The following SCYL1 variants were observed in gnomAD, a reference collection of about 807,000 sequenced individuals.
The protein encoded by SCYL1 is N-terminal kinase-like protein.
In SCYL1, 85 loss-of-function variants were observed where a neutral mutation model predicts 94.8. The observed-to-expected ratio is 0.90, with a 90% confidence interval of 0.75 to 1.07. The LOEUF (loss-of-function observed/expected upper bound fraction) is 1.07, where lower values mean the gene tolerates loss of function less well. Ranked by LOEUF, SCYL1 falls within the 50% of genes least tolerant of loss-of-function variation. The pLI, the probability that SCYL1 is intolerant of heterozygous loss-of-function variation, is 0.00. For missense variants in SCYL1, 968 were observed against 1,083.3 expected, an observed-to-expected ratio of 0.89 and a Z score of 1.49; for synonymous variants, 459 against 435.5, an observed-to-expected ratio of 1.05 and a Z score of -0.67.
chr11:65,536,709 C>A lies in SCYL1; in HGVS notation c.1775C>A (p.Ala592Asp). ...CTGATCCGTTCGCACCCAACCACTGCCCCAACAGAAACCAACATTCCCCAA... is the reference window on the plus strand; with the variant it reads ...CTGATCCGTTCGCACCCAACCACTGACCCAACAGAAACCAACATTCCCCAA... ...SKLIRSHPTT[A>D]PTETNIPQRP... is the part of the protein sequence containing the mutation. The change falls in exon 13 of 18, where the codon GCC becomes GAC. Residue 592 changes from alanine (A) to aspartate (D), a missense_variant. Around this residue, in one of 2 missense-constraint regions of SCYL1, gnomAD observed 474 missense variants for 463.6 expected, o/e 1.02. Coordinates refer to ENST00000270176, the MANE Select transcript of SCYL1 (RefSeq NM_020680.4). The A allele has an allele frequency of 6.2e-7, 1 of 1,610,090 alleles. No individual in the cohort carries two copies. Among genetic ancestry groups the A allele is most frequent in the South Asian group, 1.1e-5 (1 of 90,988 alleles).
chr11:65,535,625 A>G, intron 10 of SCYL1: 2 of 607,766 alleles, frequency 3.3e-6, no homozygotes, highest in Non-Finnish European at 5.7e-6. Context: ...CCCTTCAGCC[A>G]GGGTTTGTAA....
Position 65,538,563 on chromosome 11 carries a change from C to A in SCYL1, c.2424C>A (p.Asp808Glu). The change falls in exon 18 of 18, where the codon GAC becomes GAA. Residue 808 changes from aspartate (D) to glutamate (E), a missense_variant. Asp to Glu is a conservative substitution (Grantham distance 45, BLOSUM62 2). Coordinates refer to ENST00000270176, the MANE Select transcript of SCYL1 (RefSeq NM_020680.4). ...GPMKLGARKLD is the reference protein window; with the variant it reads ...GPMKLGARKLE ...TGAAGCTGGGAGCCCGGAAGCTGGA[C>A]TGAACCGTGGCGGTGGCCCTTCCCG... The A allele has an allele frequency of 6.2e-7, 1 of 1,610,714 alleles. No individual in the cohort carries two copies. The highest frequency in any genetic ancestry group is 8.5e-7 in the Non-Finnish European group (1 of 1,178,994).
At chr11:65,534,254 T>C (rs1855536943) in intron 9 of SCYL1, among the ~76,000 whole-genome samples, 1 of 142,098 alleles carries the variant, frequency 7.0e-6, no homozygotes, top group South Asian at 2.2e-4. Context: ...AAAATAAAAA[T>C]TAAAAAAATT....
At chr11:65,529,987 G>A (rs1855286249) in intron 6 of SCYL1, among the ~76,000 whole-genome samples, 1 of 152,318 alleles carries the variant, frequency 6.6e-6, no homozygotes, top group South Asian at 2.1e-4. Context: ...CACATAATCT[G>A]TGCTCCAGAA....
intron 9 of SCYL1, among the ~76,000 whole-genome samples, chr11:65,534,689 TTAGA>T (rs777445500): frequency 6.6e-6 from 1 of 152,040 alleles, no homozygotes; most frequent in African/African-American, 2.4e-5. Context: ...GGCAAGAGTG[TTAGA>T]TAGAAAAGAG....
chr11:65,537,808 G>GCAGGAGGCCGAGTCTGTGCTGGCC lies in SCYL1; in HGVS notation c.1963_1986dup (p.Glu655_Gln662dup). Reference sequence around the variant, plus strand: ...GTCAGTGGTCCCTTCCCACACTGCAGCAGGAGGCCGAGTCTGTGCTGGCCC... The same window carrying GCAGGAGGCCGAGTCTGTGCTGGCC: ...GTCAGTGGTCCCTTCCCACACTGCAGCAGGAGGCCGAGTCTGTGCTGGCCCAGGAGGCCGAGTCTGTGCTGGCCC... On this transcript the variant is annotated inframe_insertion and splice_region_variant. Coordinates refer to ENST00000270176, the MANE Select transcript of SCYL1 (RefSeq NM_020680.4). 50 of 1,558,246 alleles carry GCAGGAGGCCGAGTCTGTGCTGGCC rather than the reference G, an allele frequency of 3.2e-5. No individual in the cohort carries two copies. The highest frequency in any genetic ancestry group is 4.3e-5 in the Non-Finnish European group (49 of 1,150,820).
rs148421552 is a variant in SCYL1 at position 65,527,053 on chromosome 11, G to T, written c.785G>T (p.Arg262Leu). The change falls in exon 6 of 18, where the codon CGG becomes CTG. Residue 262 changes from arginine (R) to leucine (L), a missense_variant. This residue lies in a region of SCYL1 where 494 missense variants were observed against 619.7 expected (regional missense o/e 0.80). Transcript: ENST00000270176. The stretch of plus-strand genomic sequence containing the variant: ...CCAGCCCGCTTCCTGCAGAACTGCC[G>T]GGCACCTGGTGGCTTCATGAGCAAC... The part of the protein sequence containing the change: ...PNPARFLQNC[R>L]APGGFMSNRF... The T allele has an allele frequency of 6.2e-7, 1 of 1,613,428 alleles. No individual in the cohort carries two copies. Among genetic ancestry groups the T allele is most frequent in the Non-Finnish European group, 8.5e-7 (1 of 1,180,006 alleles).
At chr11:65,528,564 G>A (rs921659372) in intron 6 of SCYL1, among the ~76,000 whole-genome samples, 1 of 152,036 alleles carries the variant, frequency 6.6e-6, no homozygotes, top group Non-Finnish European at 1.5e-5. Context: ...TTTGAGACCA[G>A]CCTGACCAAC....
chr11:65,536,547 A>AC (rs1395891679), intron 12 of SCYL1, 39 bp from the exon 13 acceptor site: 11 of 1,609,608 alleles, frequency 6.8e-6, no homozygotes, highest in Admixed American at 1.7e-5. Flanking sequence ...TGGGTGCCTG[A>AC]CGTGCCCATA....
chr11:65,531,618 A>G lies in SCYL1; in HGVS notation c.1051A>G (p.Ile351Val), dbSNP rs1489978449. 3.1e-6 allele frequency: 5 copies of G among 1,614,160 alleles called. No homozygotes were observed. Among genetic ancestry groups the G allele is most frequent in the Middle Eastern group, 1.6e-4 (1 of 6,062 alleles). ...CGCTGAGGAGTATCAGCAGAAGATC[A>G]TCCCTGTGGTGGTCAAGATGTTCTC... is the stretch of plus-strand genomic sequence containing the variant. ...LSAEEYQQKI[I>V]PVVVKMFSST... Residue 351 changes from isoleucine to valine, a missense_variant, in exon 8 of 18, where the codon ATC (isoleucine) becomes GTC (valine). Physicochemically the swap from Ile to Val is conservative, Grantham distance 29. Transcript: ENST00000270176.
At chr11:65,529,080 C>T (rs189678869) in intron 6 of SCYL1, among the ~76,000 whole-genome samples, 8 of 152,282 alleles carry the variant, frequency 5.3e-5, no homozygotes, top group Admixed American at 2.0e-4. Context: ...CGGCCCCAGC[C>T]GTGTGTGGGG....
At chr11:65,530,929 C>T in intron 7 of SCYL1, 142 bp downstream of exon 7, 1 of 885,358 alleles carries the variant, frequency 1.1e-6, no homozygotes. Flanking sequence ...TAAACAGGTA[C>T]CTGACCAGCT....
At position 65,538,514 on chromosome 11, in the gene SCYL1, AGAGGAAGG is replaced by A. The variant is rs751582948; in HGVS notation, c.2376_2383del (p.Glu792AspfsTer39). 1.5e-5 allele frequency: 24 copies of A among 1,609,410 alleles called. No homozygotes were observed. Among genetic ancestry groups the A allele is most frequent in the Non-Finnish European group, 2.0e-5 (24 of 1,178,802 alleles). On this transcript the variant is annotated frameshift_variant, in exon 18 of 18. Coordinates refer to ENST00000270176, the MANE Select transcript of SCYL1 (RefSeq NM_020680.4). LOFTEE classifies it high-confidence loss of function. Reference sequence around the variant, plus strand: ...CGGGAGATGGAGGCCAAACGCGCCGAGAGGAAGGTGGCCAAGGGCCCCATGAAGCTGGG... The same window carrying A: ...CGGGAGATGGAGGCCAAACGCGCCGATGGCCAAGGGCCCCATGAAGCTGGG...
intron 9 of SCYL1, 77 bp downstream of exon 9, chr11:65,532,882 T>C: frequency 8.9e-7 from 1 of 1,127,402 alleles, no homozygotes; most frequent in Non-Finnish European, 1.3e-6. Flanking sequence ...CACAGAGGCC[T>C]TGGCTTTGGC....
rs773813958 is a variant in SCYL1, at chr11:65,537,154, C to CAGGG, written c.1959+27_1959+30dup. On this transcript the variant is annotated intron_variant, in intron 14 of 17. Coordinates refer to ENST00000270176, the MANE Select transcript of SCYL1 (RefSeq NM_020680.4). ...GTGTGTGGGGCTGAGGGAGCCTCCC[C>CAGGG]AGGGGACCCCAGCTCAAATCCACAG... 6 of 1,612,892 alleles carry CAGGG rather than the reference C, an allele frequency of 3.7e-6. No homozygotes were observed. In the Admixed American group the frequency reaches 8.3e-5, roughly 22 times the overall value.
chr11:65,528,802 A>T (rs1439304183), intron 6 of SCYL1, among the ~76,000 whole-genome samples: 1 of 152,158 alleles, frequency 6.6e-6, no homozygotes, highest in Non-Finnish European at 1.5e-5. Context: ...GAAGGAAAGT[A>T]CTGGAGTGGG....
chr11:65,525,207 G>C lies in SCYL1; in HGVS notation c.54G>C (p.Pro18=), dbSNP rs1172810877. Residue 18 remains proline (P), a synonymous_variant, in exon 1 of 18, where the codon CCG becomes CCC. Transcript: ENST00000270176. ...GGGACTTTCCGTTCGAGCTCATCCC[G>C]GAGCCCCCAGAGGGCGGCCTGCCCG... ...PVRDFPFELI[P]EPPEGGLPGP... 6.9e-6 allele frequency: 10 copies of C among 1,457,482 alleles called. No homozygotes were observed. The highest frequency in any genetic ancestry group is 1.8e-4 in the Middle Eastern group (1 of 5,410). The allele number at this position is 1,457,482 out of a possible 1,614,324, so 90.3% of individuals were successfully genotyped here.
At position 65,526,984 on chromosome 11, in the gene SCYL1, A is replaced by G; in HGVS notation, c.716A>G (p.His239Arg). Reference sequence around the variant, plus strand: ...CAGATCCCCAAAACGCTGGTGCCCCATTACTGTGAGCTGGTGGGAGCAAAC... The same window carrying G: ...CAGATCCCCAAAACGCTGGTGCCCCGTTACTGTGAGCTGGTGGGAGCAAAC... ...PGKIPKTLVPHYCELVGANPK... is the reference protein window; with the variant it reads ...PGKIPKTLVPRYCELVGANPK... The change falls in exon 6 of 18, where the codon CAT (histidine) becomes CGT (arginine). Residue 239 changes from histidine (H) to arginine (R), a missense_variant. This residue lies in a region of SCYL1 where 494 missense variants were observed against 619.7 expected (regional missense o/e 0.80). Coordinates refer to ENST00000270176, the MANE Select transcript of SCYL1 (RefSeq NM_020680.4). This position sits in a 1 kb window ranked among gnomAD's most constrained non-coding sequence, Gnocchi z 4.1. 2 of 1,612,394 alleles carry G rather than the reference A, an allele frequency of 1.2e-6. No homozygotes were observed. Among genetic ancestry groups the G allele is most frequent in the East Asian group, 2.2e-5 (1 of 44,878 alleles).
intron 8 of SCYL1, 33 bp from the exon 9 acceptor site, chr11:65,532,659 G>T: frequency 6.5e-7 from 1 of 1,540,178 alleles, no homozygotes; most frequent in South Asian, 1.1e-5. Flanking sequence ...GGGAAGGGCT[G>T]ACCATGTTGA....
Sources: allele counts gnomAD v4.1 joint callset (sites outside exome capture counted in the v4.1 genomes callset), GRCh38; gene constraint gnomAD v4.1.1; regional missense constraint gnomAD v4.1.1; non-coding constraint Gnocchi (gnomAD v3.1); transcripts MANE v1.5; gene names NCBI Gene and HGNC (gene_info 2026-07-23, HGNC 2026-07-21).